The following TNFSF4 variants were observed in gnomAD, a reference collection of about 807,000 sequenced individuals.
TNFSF4 encodes the protein tumor necrosis factor ligand superfamily member 4.
Under a neutral mutation model 7.3 loss-of-function variants are expected in TNFSF4, and 4 were observed. The ratio of observed to expected loss-of-function variants is 0.55; its 90% confidence interval spans 0.27 to 1.25. The LOEUF (loss-of-function observed/expected upper bound fraction) is 1.25, where lower values mean the gene tolerates loss of function less well. Among genes scored for constraint, TNFSF4 ranks in the 50% most tolerant of loss-of-function variants. The pLI, the probability that TNFSF4 is intolerant of heterozygous loss-of-function variation, is 0.12. For synonymous variants in TNFSF4, 76 were observed against 83.7 expected (o/e 0.91, Z 0.50); for missense variants, 181 against 208.8 (o/e 0.87, Z 0.82).
the TNFSF4 span, among the ~76,000 whole-genome samples, chr1:173,433,995 G>A: frequency 6.6e-6 from 1 of 152,178 alleles, no homozygotes; most frequent in African/African-American, 2.4e-5. Context: ...GAGTTATGCT[G>A]CCACAAGCTA....
intron 1 of TNFSF4, chr1:173,205,222 A>T: frequency 6.6e-7 from 1 of 1,511,700 alleles, no homozygotes; most frequent in Non-Finnish European, 9.0e-7. Context: ...CATGTTTCTT[A>T]AGCAAACAAC....
At chr1:173,440,582 A>T in the TNFSF4 span, 1 of 152,222 alleles carries the variant, frequency 6.6e-6, no homozygotes, top group Non-Finnish European at 1.5e-5. Flanking sequence ...TTCAAACCAG[A>T]ATATAACTTT....
chr1:173,188,391 C>T (rs1456153096), intron 2 of TNFSF4, 130 bp downstream of exon 2: 1 of 721,474 alleles, frequency 1.4e-6, no homozygotes, highest in African/African-American at 1.8e-5. Context: ...TACAACAATT[C>T]TGGGATTTAA....
At chr1:173,209,012 T>C (rs80094235), upstream of TNFSF4, among the ~76,000 whole-genome samples, 705 of 152,334 alleles carry the variant, frequency 4.6e-3, 5 homozygotes, top group Non-Finnish European at 8.4e-3. Flanking sequence ...TAAGCAGCAT[T>C]TCTTCTCAGT....
intron 1 of TNFSF4, among the ~76,000 whole-genome samples, chr1:173,196,459 C>T (rs1442256434): frequency 6.6e-6 from 1 of 152,198 alleles, no homozygotes; most frequent in East Asian, 1.9e-4. Flanking sequence ...CCACCTTCCT[C>T]CCCACTGTAT....
At chr1:173,322,956 G>A in the TNFSF4 span, among the ~76,000 whole-genome samples, 1 of 152,194 alleles carries the variant, frequency 6.6e-6, no homozygotes, top group African/African-American at 2.4e-5. Context: ...CTCCACCTCT[G>A]GGGGCAGTGC....
the TNFSF4 span, among the ~76,000 whole-genome samples, chr1:173,420,755 A>G: frequency 2.6e-5 from 4 of 152,218 alleles, no homozygotes; most frequent in Non-Finnish European, 5.9e-5. Context: ...CAAGTTGTTA[A>G]TTATGTAATT....
At chr1:173,302,359 A>G in the TNFSF4 span, among the ~76,000 whole-genome samples, 1 of 152,048 alleles carries the variant, frequency 6.6e-6, no homozygotes, top group East Asian at 1.9e-4. Context: ...GATTGTAGAG[A>G]GTTCTGACAT....
chr1:173,356,039 C>T, the TNFSF4 span, among the ~76,000 whole-genome samples: 1 of 152,360 alleles, frequency 6.6e-6, no homozygotes, highest in East Asian at 1.9e-4. Flanking sequence ...ACCCCCAACT[C>T]ATCATCTACA....
chr1:173,398,847 A>C, the TNFSF4 span, among the ~76,000 whole-genome samples: 62 of 152,324 alleles, frequency 4.1e-4, no homozygotes, highest in African/African-American at 1.3e-3. Flanking sequence ...CACGATGCCT[A>C]CTGGGCCTCT....
At chr1:173,384,184 G>C in the TNFSF4 span, among the ~76,000 whole-genome samples, 1 of 152,300 alleles carries the variant, frequency 6.6e-6, no homozygotes, top group Non-Finnish European at 1.5e-5. Context: ...TCAGTGTAAA[G>C]ATCAGCAAAT....
At chr1:173,259,167 G>A in the TNFSF4 span, among the ~76,000 whole-genome samples, 1 of 152,112 alleles carries the variant, frequency 6.6e-6, no homozygotes, top group African/African-American at 2.4e-5. Flanking sequence ...TTACTGTTCT[G>A]CAGCCTCCAC....
the TNFSF4 span, among the ~76,000 whole-genome samples, chr1:173,325,325 A>C: frequency 0.049 from 7,512 of 152,210 alleles, 582 homozygotes; most frequent in African/African-American, 0.17. Context: ...ACGAGAACAA[A>C]GACACAACAT....
chr1:173,373,547 G>A, the TNFSF4 span, among the ~76,000 whole-genome samples: 4 of 152,188 alleles, frequency 2.6e-5, no homozygotes, highest in South Asian at 6.2e-4. Context: ...CTTTTCACAC[G>A]GGTATAGAGA....
At chr1:173,292,510 AC>A in the TNFSF4 span, among the ~76,000 whole-genome samples, 1 of 152,120 alleles carries the variant, frequency 6.6e-6, no homozygotes, top group Non-Finnish European at 1.5e-5. Context: ...TCTATAACAA[AC>A]CCACAACCAA....
chr1:173,376,007 TG>T, the TNFSF4 span, among the ~76,000 whole-genome samples: 1 of 152,164 alleles, frequency 6.6e-6, no homozygotes, highest in African/African-American at 2.4e-5. Flanking sequence ...TCTCTGTGCT[TG>T]GTCCCTCTGG....
At chr1:173,375,994 C>A in the TNFSF4 span, among the ~76,000 whole-genome samples, 134 of 152,258 alleles carry the variant, frequency 8.8e-4, no homozygotes, top group Admixed American at 8.0e-3. Flanking sequence ...TGGAAGCCAA[C>A]CCTCTCTGTG....
At chr1:173,354,125 T>C in the TNFSF4 span, among the ~76,000 whole-genome samples, 2 of 150,990 alleles carry the variant, frequency 1.3e-5, no homozygotes, top group South Asian at 4.2e-4. Context: ...AGAGAGAAGA[T>C]TCAAATAAGC....
At chr1:173,379,621 T>C in the TNFSF4 span, among the ~76,000 whole-genome samples, 2 of 152,162 alleles carry the variant, frequency 1.3e-5, no homozygotes, top group Non-Finnish European at 2.9e-5. Context: ...GGAGGCGTTA[T>C]TAAACCTGGC....
Sources: allele counts gnomAD v4.1 joint callset (sites outside exome capture counted in the v4.1 genomes callset), GRCh38; gene constraint gnomAD v4.1.1; transcripts MANE v1.5; gene names NCBI Gene and HGNC (gene_info 2026-07-23, HGNC 2026-07-21).